The following CTNNA3 variants were observed in gnomAD, a reference collection of about 807,000 sequenced individuals.
The protein encoded by CTNNA3 is catenin alpha 3.
Under a neutral mutation model 95.7 loss-of-function variants are expected in CTNNA3, and 76 were observed. That is an observed-to-expected ratio of 0.79 (90% CI 0.66 to 0.96). The LOEUF (loss-of-function observed/expected upper bound fraction) is 0.96, where lower values mean the gene tolerates loss of function less well. Ranked by LOEUF, CTNNA3 falls within the 40% of genes least tolerant of loss-of-function variation. The pLI is 0.00. For synonymous variants in CTNNA3, 431 were observed against 374.4 expected, an observed-to-expected ratio of 1.15 and a Z score of -1.74; for missense variants, 1,191 against 1,089.8, an observed-to-expected ratio of 1.09 and a Z score of -1.31.
intron 9 of CTNNA3, among the ~76,000 whole-genome samples, chr10:66,724,079 T>G (rs1554841548): frequency 6.6e-6 from 1 of 152,064 alleles, no homozygotes; most frequent in Non-Finnish European, 1.5e-5. Flanking sequence ...TAGTCAAGAA[T>G]GTTTCTGAAA....
intron 11 of CTNNA3, among the ~76,000 whole-genome samples, chr10:66,419,242 A>G (rs1017774481): frequency 6.6e-6 from 1 of 152,004 alleles, no homozygotes; most frequent in Non-Finnish European, 1.5e-5. Context: ...AATAGCAAAA[A>G]AAAGAAAAAG....
intron 7 of CTNNA3, among the ~76,000 whole-genome samples, chr10:67,083,239 G>A (rs1239202469): frequency 6.6e-6 from 1 of 151,988 alleles, no homozygotes; most frequent in Non-Finnish European, 1.5e-5. Context: ...AGTGTCTAAA[G>A]TGCAGGCTTA....
chr10:66,144,921 A>G (rs1162043857), intron 13 of CTNNA3, among the ~76,000 whole-genome samples: 1 of 152,226 alleles, frequency 6.6e-6, no homozygotes, highest in African/African-American at 2.4e-5. Flanking sequence ...GCATACTTTT[A>G]GGGAACTCTA....
chr10:67,111,045 C>T (rs986206952), intron 7 of CTNNA3, among the ~76,000 whole-genome samples: 1 of 152,108 alleles, frequency 6.6e-6, no homozygotes, highest in African/African-American at 2.4e-5. Context: ...GTTGCAGGGT[C>T]CTAAATCAAC....
intron 15 of CTNNA3, among the ~76,000 whole-genome samples, chr10:66,037,161 C>G (rs188194139): frequency 6.6e-6 from 1 of 151,936 alleles, no homozygotes; most frequent in African/African-American, 2.4e-5. Context: ...CATGAGCCAC[C>G]GTGCCTGGCC....
chr10:66,000,005 A>T (rs768333276), intron 15 of CTNNA3, among the ~76,000 whole-genome samples: 25 of 152,212 alleles, frequency 1.6e-4, no homozygotes, highest in Middle Eastern at 3.4e-3. Flanking sequence ...TTAATTAGCC[A>T]TTCCATTTTT....
At chr10:66,829,637 T>C (rs892833550) in intron 7 of CTNNA3, among the ~76,000 whole-genome samples, 4 of 150,966 alleles carry the variant, frequency 2.6e-5, no homozygotes, top group African/African-American at 7.3e-5. Context: ...CATTATATTA[T>C]ACAGTGTTTC....
intron 13 of CTNNA3, among the ~76,000 whole-genome samples, chr10:66,274,261 T>G (rs2091345133): frequency 6.6e-6 from 1 of 152,184 alleles, no homozygotes; most frequent in Non-Finnish European, 1.5e-5. Context: ...ATTAGAATTT[T>G]ATACCATTTT....
At chr10:66,835,326 C>G (rs1379356438) in intron 7 of CTNNA3, among the ~76,000 whole-genome samples, 1 of 152,128 alleles carries the variant, frequency 6.6e-6, no homozygotes, top group Non-Finnish European at 1.5e-5. Flanking sequence ...GGCGCCTGGA[C>G]CAGCAGCATG....
chr10:67,664,941 T>C (rs965514963), intron 1 of CTNNA3, among the ~76,000 whole-genome samples: 1 of 152,214 alleles, frequency 6.6e-6, no homozygotes, highest in Non-Finnish European at 1.5e-5. Context: ...CATGCACAAT[T>C]TAAGTTTAAA....
chr10:67,142,854 C>G (rs193196015), intron 7 of CTNNA3, among the ~76,000 whole-genome samples: 3 of 151,898 alleles, frequency 2.0e-5, no homozygotes, highest in Non-Finnish European at 4.4e-5. Context: ...ATCGCTTGAA[C>G]CCGGGAGGCA....
At chr10:67,114,067 G>A (rs1237601257) in intron 7 of CTNNA3, among the ~76,000 whole-genome samples, 1 of 139,386 alleles carries the variant, frequency 7.2e-6, no homozygotes, top group African/African-American at 2.6e-5. Context: ...TGGGTGACAG[G>A]GGGAGAACTC....
At chr10:66,091,876 T>C (rs1280477896) in intron 14 of CTNNA3, among the ~76,000 whole-genome samples, 1 of 152,044 alleles carries the variant, frequency 6.6e-6, no homozygotes, top group East Asian at 1.9e-4. Flanking sequence ...AACTTCACTG[T>C]AAGTTTAGAA....
intron 5 of CTNNA3, among the ~76,000 whole-genome samples, chr10:67,379,252 AG>A (rs748229656): frequency 3.2e-4 from 48 of 152,200 alleles, no homozygotes; most frequent in Non-Finnish European, 6.2e-4. Flanking sequence ...GCATAGAAGT[AG>A]GAGTCAGGAT....
At chr10:66,034,885 A>G (rs964483283) in intron 15 of CTNNA3, among the ~76,000 whole-genome samples, 5 of 139,772 alleles carry the variant, frequency 3.6e-5, no homozygotes, top group East Asian at 4.2e-4. Context: ...ACATTTAATT[A>G]TATGTTTAAA....
chr10:67,145,361 T>C (rs944771855), intron 7 of CTNNA3, among the ~76,000 whole-genome samples: 2 of 152,088 alleles, frequency 1.3e-5, no homozygotes, highest in African/African-American at 4.8e-5. Context: ...AAAGAGTTGT[T>C]TGATGGGGTA....
In CTNNA3 at chr10:65,920,099, A is replaced by G. The variant is rs1026126670; in HGVS notation, c.*231T>C. 4 of 540,762 alleles carry G rather than the reference A, an allele frequency of 7.4e-6. No individual in the cohort carries two copies. The highest frequency in any genetic ancestry group is 6.2e-5 in the East Asian group (2 of 32,386). The allele number at this position is 540,762 out of a possible 1,614,324, so 33.5% of individuals were successfully genotyped here. On this transcript the variant is annotated 3_prime_UTR_variant, in exon 18 of 18. Transcript: ENST00000433211. Reference sequence around the variant, plus strand: ...ACGCTGAATGACACGTGATAATTTCATTCATTCAACAAGCAAATATTCCTT... The same window carrying G: ...ACGCTGAATGACACGTGATAATTTCGTTCATTCAACAAGCAAATATTCCTT...
chr10:67,163,117 C>T (rs1434068979), intron 7 of CTNNA3, among the ~76,000 whole-genome samples: 1 of 151,882 alleles, frequency 6.6e-6, no homozygotes, highest in Non-Finnish European at 1.5e-5. Context: ...AGAGGGAGTA[C>T]TTTCCAATCA....
At chr10:67,112,167 C>A (rs1858941976) in intron 7 of CTNNA3, among the ~76,000 whole-genome samples, 1 of 152,074 alleles carries the variant, frequency 6.6e-6, no homozygotes, top group Admixed American at 6.6e-5. Context: ...CATGTTCCAC[C>A]CTTTTCAATA....
Sources: gnomAD v4.1 joint callset for allele counts (sites outside exome capture counted in the v4.1 genomes callset) on GRCh38, gnomAD v4.1.1 for gene constraint, MANE v1.5 for transcripts, NCBI Gene and HGNC (gene_info 2026-07-23, HGNC 2026-07-21) for gene names.